The following STK32B variants were observed in gnomAD, a reference collection of about 807,000 sequenced individuals.
STK32B encodes the protein serine/threonine kinase 32B.
Under a neutral mutation model 52.6 loss-of-function variants are expected in STK32B, and 43 were observed. The ratio of observed to expected loss-of-function variants is 0.82; its 90% CI spans 0.64 to 1.05. The LOEUF is 1.05. Ranked by LOEUF, STK32B falls within the 50% of genes least tolerant of loss-of-function variation. STK32B has a pLI of 0.00. For synonymous variants in STK32B, 238 were observed against 204.3 expected (o/e 1.17, Z -1.41); for missense variants, 621 against 534.6 (o/e 1.16, Z -1.59).
At chr4:5,204,529 G>T (rs1412460653) in intron 3 of STK32B, among the ~76,000 whole-genome samples, 1 of 149,902 alleles carries the variant, frequency 6.7e-6, no homozygotes, top group Non-Finnish European at 1.5e-5. Flanking sequence ...GAGAGCAATG[G>T]CATGATCTCG....
intron 3 of STK32B, among the ~76,000 whole-genome samples, chr4:5,208,170 C>A (rs1560227023): frequency 7.0e-6 from 1 of 142,590 alleles, no homozygotes; most frequent in Non-Finnish European, 1.6e-5. Context: ...CCTCTTGAGC[C>A]CTGACCATGT....
At chr4:5,421,518 C>G (rs1712647163) in intron 6 of STK32B, among the ~76,000 whole-genome samples, 1 of 152,252 alleles carries the variant, frequency 6.6e-6, no homozygotes, top group African/African-American at 2.4e-5. Context: ...AGCCACCACA[C>G]CTGGCCAAGT....
At chr4:5,376,106 G>A (rs1385673984) in intron 4 of STK32B, among the ~76,000 whole-genome samples, 12 of 152,134 alleles carry the variant, frequency 7.9e-5, no homozygotes. Flanking sequence ...TCTAGGTCTG[G>A]AGATTTTCCA....
chr4:5,376,105 G>A lies in STK32B; in HGVS notation c.435-22102G>A, dbSNP rs1577413754. 2.6e-5 allele frequency among the ~76,000 whole-genome samples: 4 copies of A among 152,246 alleles called. 1 individual carries two copies. In the South Asian group the frequency reaches 8.3e-4, roughly 32 times the overall value. On this transcript the variant is annotated intron_variant, in intron 4 of 11. Coordinates refer to ENST00000282908, the MANE Select transcript of STK32B (RefSeq NM_018401.3). Reference sequence around the variant, plus strand: ...AGTGGTCCCCTCCCCTTCTAGGTCTGGAGATTTTCCAGGTCCTGTGGGGGT... The same window carrying A: ...AGTGGTCCCCTCCCCTTCTAGGTCTAGAGATTTTCCAGGTCCTGTGGGGGT...
chr4:5,285,454 G>A (rs1393076266), intron 3 of STK32B, among the ~76,000 whole-genome samples: 3 of 152,110 alleles, frequency 2.0e-5, no homozygotes, highest in African/African-American at 7.2e-5. Context: ...ATGATGAAAA[G>A]CATGAAGATA....
At chr4:5,495,053 C>T (rs1411355908) in intron 11 of STK32B, among the ~76,000 whole-genome samples, 1 of 152,082 alleles carries the variant, frequency 6.6e-6, no homozygotes, top group African/African-American at 2.4e-5. Context: ...AATTATGTGT[C>T]TTGGAGTTGC....
At chr4:5,245,114 T>G (rs1488512930) in intron 3 of STK32B, among the ~76,000 whole-genome samples, 1 of 152,208 alleles carries the variant, frequency 6.6e-6, no homozygotes, top group East Asian at 1.9e-4. Flanking sequence ...TGAGTTCAAT[T>G]CCTGGATATC....
intron 5 of STK32B, among the ~76,000 whole-genome samples, chr4:5,406,739 G>A (rs550897317): frequency 1.6e-4 from 24 of 152,228 alleles, no homozygotes; most frequent in Admixed American, 4.6e-4. Context: ...GCAGTGTCTC[G>A]AGGTTAGGCA....
chr4:5,306,145 G>A (rs192762036), intron 3 of STK32B, among the ~76,000 whole-genome samples: 1 of 152,238 alleles, frequency 6.6e-6, no homozygotes, highest in Non-Finnish European at 1.5e-5. Context: ...CTTGGAGAAT[G>A]TTCCATGTGC....
chr4:5,097,833 G>A (rs1713484572), intron 1 of STK32B, among the ~76,000 whole-genome samples: 1 of 152,192 alleles, frequency 6.6e-6, no homozygotes, highest in South Asian at 2.1e-4. Flanking sequence ...AAAACCCAAT[G>A]GCTTAAAACA....
intron 3 of STK32B, among the ~76,000 whole-genome samples, chr4:5,316,915 GAT>G (rs1236989799): frequency 9.3e-4 from 4 of 4,322 alleles, no homozygotes; most frequent in African/African-American, 3.3e-3. Context: ...TAATATATAT[GAT>G]ATAATATATA....
chr4:5,494,855 G>T (rs1204610212), intron 11 of STK32B, among the ~76,000 whole-genome samples: 2 of 152,176 alleles, frequency 1.3e-5, no homozygotes, highest in Non-Finnish European at 2.9e-5. Flanking sequence ...GGCGGGATAT[G>T]AAATTCTGGG....
intron 1 of STK32B, among the ~76,000 whole-genome samples, chr4:5,053,532 G>A (rs1741872108): frequency 6.6e-6 from 1 of 152,076 alleles, no homozygotes; most frequent in South Asian, 2.1e-4. Flanking sequence ...CCCTTATATT[G>A]AAAACCGTCT....
chr4:5,295,742 C>T (rs376932585), intron 3 of STK32B, among the ~76,000 whole-genome samples: 1 of 151,752 alleles, frequency 6.6e-6, no homozygotes, highest in Non-Finnish European at 1.5e-5. Flanking sequence ...ACTGATTTTT[C>T]GAAGGATTTT....
At chr4:5,484,178 G>T (rs1010187437) in intron 11 of STK32B, among the ~76,000 whole-genome samples, 1 of 152,166 alleles carries the variant, frequency 6.6e-6, no homozygotes, top group Non-Finnish European at 1.5e-5. Flanking sequence ...GTCTAATGTT[G>T]ACAGTGGGGT....
chr4:5,140,405 C>T (rs948102262), intron 2 of STK32B: 2 of 863,534 alleles, frequency 2.3e-6, no homozygotes, highest in African/African-American at 3.5e-5. Flanking sequence ...ATACTCCCCC[C>T]AGTCAAGCTC....
intron 3 of STK32B, among the ~76,000 whole-genome samples, chr4:5,242,262 C>T (rs191907116): frequency 1.2e-3 from 189 of 152,226 alleles, no homozygotes; most frequent in Middle Eastern, 3.4e-3. Flanking sequence ...TTTTAATGAT[C>T]GCCATTCTAA....
rs867610745 is a variant in STK32B at position 5,443,308 on chromosome 4, T to G, written c.563-3365T>G. 4.0e-5 allele frequency among the ~76,000 whole-genome samples: 6 copies of G among 151,192 alleles called. 1 individual carries two copies. The highest frequency in any genetic ancestry group is 4.3e-4 in the South Asian group (2 of 4,666). ...TCTTGGAGGCTTTGCTCGTTTCTTT[T>G]TATTCTTTTTTCTCTAAACTTCCCT... On this transcript the variant is annotated intron_variant, in intron 6 of 11. Transcript: ENST00000282908.
intron 4 of STK32B, among the ~76,000 whole-genome samples, chr4:5,372,548 C>T (rs1440698876): frequency 6.6e-6 from 1 of 152,164 alleles, no homozygotes; most frequent in African/African-American, 2.4e-5. Context: ...TCTAATATTT[C>T]ATCATACACT....
Sources: allele counts gnomAD v4.1 joint callset (sites outside exome capture counted in the v4.1 genomes callset), GRCh38; gene constraint gnomAD v4.1.1; transcripts MANE v1.5; gene names NCBI Gene and HGNC (gene_info 2026-07-23, HGNC 2026-07-21).